XKR4: variants seen among roughly 807,000 people sequenced by gnomAD.
The protein encoded by XKR4 is XK-related protein 4.
A neutral mutation model predicts 53.9 loss-of-function variants in XKR4; 12 were observed. The observed-to-expected ratio is 0.22, with a 90% CI of 0.14 to 0.36. The LOEUF is 0.36. XKR4 is among the 10% of genes least tolerant of loss of function. The pLI, the probability that XKR4 is intolerant of heterozygous loss-of-function variation, is 1.00. For synonymous variants in XKR4, 354 were observed against 362.4 expected (o/e 0.98, Z 0.26); for missense variants, 799 against 859.5 (o/e 0.93, Z 0.88).
At chr8:55,121,317 G>A (rs909660692) in intron 1 of XKR4, among the ~76,000 whole-genome samples, 10 of 152,114 alleles carry the variant, frequency 6.6e-5, no homozygotes, top group South Asian at 2.1e-4. Context: ...TGGCTGTACC[G>A]TTTCACATTC....
rs1359096383 is a variant in XKR4, at chr8:55,540,745, T to C, written c.*16518T>C. On this transcript the variant is annotated 3_prime_UTR_variant, in exon 3 of 3. Transcript: ENST00000327381. ...AGCAAGAGCAAAATCATCCTTCCTATGGATTCTTTTCTCAGTGTTTACTTA... is the reference window on the plus strand; with the variant it reads ...AGCAAGAGCAAAATCATCCTTCCTACGGATTCTTTTCTCAGTGTTTACTTA... 1 of 152,208 alleles carries C rather than the reference T, an allele frequency of 6.6e-6. No individual in the cohort carries two copies. Among genetic ancestry groups the C allele is most frequent in the African/African-American group, 2.4e-5 (1 of 41,460 alleles). 9.4% of individuals were successfully genotyped at this position (152,208 alleles called of 1,614,324 possible).
At chr8:55,295,917 T>C (rs1296217862) in intron 1 of XKR4, among the ~76,000 whole-genome samples, 2 of 152,226 alleles carry the variant, frequency 1.3e-5, no homozygotes, top group African/African-American at 2.4e-5. Context: ...AATCTATTAA[T>C]ACTGATTGAA....
At chr8:55,402,537 A>G (rs1286605195) in intron 2 of XKR4, among the ~76,000 whole-genome samples, 1 of 152,218 alleles carries the variant, frequency 6.6e-6, no homozygotes, top group African/African-American at 2.4e-5. Context: ...GGCCACATGC[A>G]CATCCTTCCA....
chr8:55,341,221 C>T (rs1265042326), intron 1 of XKR4, among the ~76,000 whole-genome samples: 6 of 152,106 alleles, frequency 3.9e-5, no homozygotes, highest in South Asian at 2.1e-4. Flanking sequence ...AGCAGGTCAC[C>T]TTTGTGGGCA....
intron 1 of XKR4, among the ~76,000 whole-genome samples, chr8:55,141,671 C>CTCTCTCTGTG (rs748708972): frequency 2.2e-5 from 3 of 135,288 alleles, no homozygotes; most frequent in African/African-American, 7.9e-5. Context: ...CTCTCTCTCT[C>CTCTCTCTGTG]TGTGTGTGTG....
At chr8:55,298,818 T>A (rs545144214) in intron 1 of XKR4, among the ~76,000 whole-genome samples, 1 of 152,268 alleles carries the variant, frequency 6.6e-6, no homozygotes, top group Admixed American at 6.5e-5. Flanking sequence ...TAAACACATA[T>A]ATGTGTGTAA....
intron 2 of XKR4, among the ~76,000 whole-genome samples, chr8:55,461,659 A>C (rs1403133493): frequency 6.6e-6 from 1 of 152,240 alleles, no homozygotes; most frequent in Non-Finnish European, 1.5e-5. Context: ...GGAAGGCTTC[A>C]GAACATCAAA....
chr8:55,531,849 T>C lies in XKR4; in HGVS notation c.*7622T>C, dbSNP rs954941213. The C allele has an allele frequency of 3.3e-5, 5 of 152,282 alleles. No homozygotes were observed. Among genetic ancestry groups the C allele is most frequent in the South Asian group, 2.1e-4 (1 of 4,834 alleles). 9.4% of individuals were successfully genotyped at this position (152,282 alleles called of 1,614,324 possible). Reference sequence around the variant, plus strand: ...AATAACAAATTTCTGGACATAAACATGAGCTGTTTCTCTAAAGCCTTTCCT... The same window carrying C: ...AATAACAAATTTCTGGACATAAACACGAGCTGTTTCTCTAAAGCCTTTCCT... On this transcript the variant is annotated 3_prime_UTR_variant, in exon 3 of 3. Transcript: ENST00000327381.
At chr8:55,149,159 T>A (rs1816808780) in intron 1 of XKR4, among the ~76,000 whole-genome samples, 1 of 152,270 alleles carries the variant, frequency 6.6e-6, no homozygotes, top group African/African-American at 2.4e-5. Context: ...CAAGCAGAGC[T>A]GCTGGCTGTG....
intron 1 of XKR4, among the ~76,000 whole-genome samples, chr8:55,190,143 G>A (rs1399336416): frequency 6.6e-6 from 1 of 151,818 alleles, no homozygotes; most frequent in African/African-American, 2.4e-5. Flanking sequence ...AATGGAGCCT[G>A]TGAAGGTTTG....
chr8:55,409,598 C>A (rs747257184), intron 2 of XKR4, among the ~76,000 whole-genome samples: 1 of 151,894 alleles, frequency 6.6e-6, no homozygotes, highest in Non-Finnish European at 1.5e-5. Context: ...ACTGCCTAAC[C>A]TACAGTGTTT....
At chr8:55,122,944 T>C (rs7004356) in intron 1 of XKR4, among the ~76,000 whole-genome samples, 131,083 of 151,662 alleles carry the variant, frequency 0.86, 56,734 homozygotes, top group East Asian at 0.95. Context: ...GGGTGTGGAT[T>C]GAGCTTCATG....
Position 55,535,127 on chromosome 8 carries a change from G to A in XKR4, c.*10900G>A, listed in dbSNP as rs529126928. ...TCCCAGTTATCAGCACTAGCATCAC[G>A]GCGAGTCAGTTTTCAGAACTAGCTC... On this transcript the variant is annotated 3_prime_UTR_variant, in exon 3 of 3. Coordinates refer to ENST00000327381, the MANE Select transcript of XKR4 (RefSeq NM_052898.2). 3.9e-5 allele frequency: 6 copies of A among 152,102 alleles called. No homozygotes were observed. Among genetic ancestry groups the A allele is most frequent in the South Asian group, 2.1e-4 (1 of 4,806 alleles). 9.4% of individuals were successfully genotyped at this position (152,102 alleles called of 1,614,324 possible).
chr8:55,157,334 A>C (rs1816920966), intron 1 of XKR4, among the ~76,000 whole-genome samples: 1 of 152,244 alleles, frequency 6.6e-6, no homozygotes, highest in South Asian at 2.1e-4. Context: ...GGAATAAAGA[A>C]ATTATGATAA....
intron 2 of XKR4, among the ~76,000 whole-genome samples, chr8:55,473,030 T>G (rs1435350399): frequency 6.6e-6 from 1 of 152,130 alleles, no homozygotes; most frequent in Non-Finnish European, 1.5e-5. Context: ...CCATTGGTCC[T>G]GGACAATGAG....
chr8:55,501,064 G>A (rs561144767), intron 2 of XKR4, among the ~76,000 whole-genome samples: 1 of 152,182 alleles, frequency 6.6e-6, no homozygotes, highest in Non-Finnish European at 1.5e-5. Context: ...AGAACAGACA[G>A]GTGTAATACT....
chr8:55,139,408 G>T (rs910081486), intron 1 of XKR4, among the ~76,000 whole-genome samples: 7 of 151,138 alleles, frequency 4.6e-5, no homozygotes, highest in East Asian at 3.9e-4. Context: ...GTGGCGGCAG[G>T]CCCCGGTAAT....
At chr8:55,473,404 T>C (rs1412275749) in intron 2 of XKR4, among the ~76,000 whole-genome samples, 2 of 152,114 alleles carry the variant, frequency 1.3e-5, no homozygotes, top group African/African-American at 4.8e-5. Context: ...TCCACATTTT[T>C]CCATGAAGGA....
intron 1 of XKR4, among the ~76,000 whole-genome samples, chr8:55,222,704 T>A (rs1419487680): frequency 6.6e-6 from 1 of 152,256 alleles, no homozygotes; most frequent in Non-Finnish European, 1.5e-5. Flanking sequence ...TACATCCATG[T>A]TGAATGATGG....
Sources: gnomAD v4.1 joint callset for allele counts (sites outside exome capture counted in the v4.1 genomes callset) on GRCh38, gnomAD v4.1.1 for gene constraint, MANE v1.5 for transcripts, NCBI Gene and HGNC (gene_info 2026-07-23, HGNC 2026-07-21) for gene names.